RYR1: variants seen among roughly 807,000 people sequenced by gnomAD.
RYR1 encodes the protein central core disease of muscle.
A neutral mutation model predicts 583.5 loss-of-function variants in RYR1; 342 were observed. The ratio of observed to expected loss-of-function variants is 0.59; its 90% CI spans 0.54 to 0.64. The LOEUF (loss-of-function observed/expected upper bound fraction) is 0.64, where lower values mean the gene tolerates loss of function less well. Ranked by LOEUF, RYR1 falls within the 30% of genes least tolerant of loss-of-function variation. RYR1 has a pLI of 0.00. For missense variants in RYR1, 6,032 were observed against 6,917.2 expected, an observed-to-expected ratio of 0.87 and a Z score of 4.54; for synonymous variants, 2,791 against 2,822.5, an observed-to-expected ratio of 0.99 and a Z score of 0.35.
rs753354701 is a variant in RYR1, at chr19:38,512,404, C to T, written c.9393C>T (p.Tyr3131=). The T allele has an allele frequency of 1.3e-5, 21 of 1,613,868 alleles. No homozygotes were observed. The South Asian group carries it at 1.3e-4, about 10-fold the overall frequency. ...AAGGCGTGGGCCAGAACCTCACCTA[C>T]ACCACTGTGGCACTGCTGCCGGTCC... ...QVKGVGQNLT[Y]TTVALLPVLT... is the part of the protein sequence containing the mutation. The change falls in exon 63 of 106, where the codon TAC becomes TAT. Residue 3131 remains tyrosine (Y), a synonymous_variant. Transcript: ENST00000359596. This position sits in a 1 kb window ranked among gnomAD's most constrained non-coding sequence, Gnocchi z 5.1.
chr19:38,560,987 G>T, intron 89 of RYR1, 126 bp from the exon 90 acceptor site: 1 of 834,604 alleles, frequency 1.2e-6, no homozygotes, highest in Non-Finnish European at 1.9e-6. Context: ...GCTGGGTTGA[G>T]CTGTGATTGC....
intron 76 of RYR1, 62 bp from the exon 77 acceptor site, chr19:38,532,428 G>C: frequency 6.4e-7 from 1 of 1,557,978 alleles, no homozygotes; most frequent in Non-Finnish European, 8.9e-7. Context: ...CTGCCCAGAA[G>C]CTCTTATAAG....
rs1967674472 is a variant in RYR1 at position 38,460,512 on chromosome 19, C to T, written c.2498C>T (p.Pro833Leu). The T allele has an allele frequency of 6.2e-7, 1 of 1,614,056 alleles. No homozygotes were observed. Among genetic ancestry groups the T allele is most frequent in the African/African-American group, 1.3e-5 (1 of 74,946 alleles). Residue 833 changes from proline to leucine, a missense_variant, in exon 20 of 106, where the codon CCC (proline) becomes CTC (leucine). Transcript: ENST00000359596. ...EPIKEYRREG[P>L]RGPHLVGPSR... is the part of the protein sequence containing the mutation. Reference sequence around the variant, plus strand: ...ATCAAGGAGTATCGACGGGAGGGGCCCCGGGGGCCTCACCTGGTGGGCCCC... The same window carrying T: ...ATCAAGGAGTATCGACGGGAGGGGCTCCGGGGGCCTCACCTGGTGGGCCCC...
rs138929547 is a variant in RYR1, at chr19:38,566,957, C to T, written c.13484C>T (p.Pro4495Leu). 4.1e-5 allele frequency: 66 copies of T among 1,605,192 alleles called. No individual in the cohort carries two copies. Among genetic ancestry groups the T allele is most frequent in the Non-Finnish European group, 5.3e-5 (62 of 1,176,148 alleles). The change falls in exon 92 of 106, where the codon CCG (proline) becomes CTG (leucine). Residue 4495 changes from proline (P) to leucine (L), a missense_variant. By Grantham distance (98) the Pro-to-Leu change is moderately conservative. This residue lies in a region of RYR1 where 753 missense variants were observed against 759.6 expected (regional missense o/e 0.99). Coordinates refer to ENST00000359596, the MANE Select transcript of RYR1 (RefSeq NM_000540.3). ...EELPPEPEPE[P>L]EPELEPEKAD... ...CTCCCGCCAGAGCCAGAGCCCGAGC[C>T]GGAACCAGAGCTGGAGCCGGAGAAA...
At chr19:38,464,530 C>A in intron 22 of RYR1, 109 bp from the exon 23 acceptor site, 3 of 867,514 alleles carry the variant, frequency 3.5e-6, no homozygotes, top group Non-Finnish European at 5.6e-6. Context: ...GCGCCCCAGG[C>A]ACTGAAGCAG....
At chr19:38,580,823 GCA>G (rs1568605798) in intron 101 of RYR1, among the ~76,000 whole-genome samples, 1 of 152,074 alleles carries the variant, frequency 6.6e-6, no homozygotes, top group African/African-American at 2.4e-5. Flanking sequence ...CTCCATCCTG[GCA>G]GACAGACAGA....
At position 38,451,820 on chromosome 19, in the gene RYR1, G is replaced by C; in HGVS notation, c.1179G>C (p.Gln393His). The C allele has an allele frequency of 6.2e-7, 1 of 1,614,118 alleles. No individual in the cohort carries two copies. The highest frequency in any genetic ancestry group is 8.5e-7 in the Non-Finnish European group (1 of 1,180,018). Residue 393 changes from glutamine (Q) to histidine (H), a missense_variant, in exon 12 of 106, where the codon CAG (glutamine) becomes CAC (histidine). Around this residue, in one of 11 missense-constraint regions of RYR1, gnomAD observed 338 missense variants for 441.6 expected, o/e 0.77. Transcript: ENST00000359596. ...ACGCACTGTCGCTGACCCGCTGCCA[G>C]CAGGAGGAGTCCCAGGCCGCCCGCA... Reference protein sequence around the residue: ...MDDALSLTRCQQEESQAARMI... With the variant: ...MDDALSLTRCHQEESQAARMI...
Position 38,527,765 on chromosome 19 carries a change from T to A in RYR1, c.10805T>A (p.Val3602Glu). 2.5e-6 allele frequency: 4 copies of A among 1,613,516 alleles called. No individual in the cohort carries two copies. Among genetic ancestry groups the A allele is most frequent in the Non-Finnish European group, 3.4e-6 (4 of 1,179,854 alleles). Reference sequence around the variant, plus strand: ...CGCAGAGTCCAGGAAGTGTCAGCCGTGCTCTACTACCTGGACCAGGTGGGT... The same window carrying A: ...CGCAGAGTCCAGGAAGTGTCAGCCGAGCTCTACTACCTGGACCAGGTGGGT... Reference protein sequence around the residue: ...IVRRVQEVSAVLYYLDQTEHP... With the variant: ...IVRRVQEVSAELYYLDQTEHP... Residue 3602 changes from valine (V) to glutamate (E), a missense_variant, in exon 73 of 106, where the codon GTG (valine) becomes GAG (glutamate). Physicochemically the swap from Val to Glu is moderately radical, Grantham distance 121 (BLOSUM62 -2). This residue lies in a region of RYR1 where 1,493 missense variants were observed against 1,715.5 expected (regional missense o/e 0.87). Transcript: ENST00000359596.
Position 38,469,043 on chromosome 19 carries a change from C to G in RYR1, c.3459C>G (p.Asp1153Glu). 6.2e-7 allele frequency: 1 copy of G among 1,614,180 alleles called. No homozygotes were observed. Among genetic ancestry groups the G allele is most frequent in the South Asian group, 1.1e-5 (1 of 91,078 alleles). The change falls in exon 26 of 106, where the codon GAC becomes GAG. Residue 1153 changes from aspartate (D) to glutamate (E), a missense_variant. Transcript: ENST00000359596. Reference protein sequence around the residue: ...QPGDVVGCMIDLTENTIIFTL... With the variant: ...QPGDVVGCMIELTENTIIFTL... ...GCGATGTCGTTGGCTGTATGATCGA[C>G]CTCACAGAGAACACCATTATCTTCA...
At chr19:38,560,372 A>C (rs868193231) in intron 89 of RYR1, among the ~76,000 whole-genome samples, 16 of 150,980 alleles carry the variant, frequency 1.1e-4, no homozygotes, top group Admixed American at 9.3e-4. Context: ...TCTCAGAAAA[A>C]AAAAACAAAA....
In RYR1 at chr19:38,444,579, C is replaced by T. The variant is rs2145340575; in HGVS notation, c.538-5C>T. ...CTCTGACTGCCGCATCCTGGTGGCC[C>T]CCAGCACCTGTCGACCGCCAGTGGG... is the stretch of plus-strand genomic sequence containing the variant. On this transcript the variant is annotated splice_polypyrimidine_tract_variant and splice_region_variant and intron_variant, in intron 6 of 105. Coordinates refer to ENST00000359596, the MANE Select transcript of RYR1 (RefSeq NM_000540.3). The surrounding 1 kb of genome is among the most constrained non-coding windows in gnomAD (Gnocchi z 5.1). 1 of 1,613,116 alleles carries T rather than the reference C, an allele frequency of 6.2e-7. No homozygotes were observed. The highest frequency in any genetic ancestry group is 8.5e-7 in the Non-Finnish European group (1 of 1,179,574).
In RYR1 at chr19:38,494,617, G is replaced by A. The variant is rs146773090; in HGVS notation, c.6540G>A (p.Gln2180=). 3 of 1,613,968 alleles carry A rather than the reference G, an allele frequency of 1.9e-6. No individual in the cohort carries two copies. The highest frequency in any genetic ancestry group is 1.3e-5 in the African/African-American group (1 of 74,926). ...CCCAGGAGGAGAACCTCATGATCCA[G>A]AGCATCGGGTGAGACACCGCCCTTC... The part of the protein sequence containing the change: ...MGPQEENLMI[Q]SIGNIMNNKV... The change falls in exon 39 of 106, where the codon CAG becomes CAA. Residue 2180 remains glutamine, a synonymous_variant. Coordinates refer to ENST00000359596, the MANE Select transcript of RYR1 (RefSeq NM_000540.3).
chr19:38,486,787 A>C (rs1359059507), intron 34 of RYR1, among the ~76,000 whole-genome samples: 1 of 152,012 alleles, frequency 6.6e-6, no homozygotes, highest in African/African-American at 2.4e-5. Flanking sequence ...TCATCCATCC[A>C]TCAATCCATC....
rs562864092 is a variant in RYR1 at position 38,444,519 on chromosome 19, C to G, written c.538-65C>G. On this transcript the variant is annotated intron_variant, in intron 6 of 105. Transcript: ENST00000359596. The surrounding 1 kb of genome is among the most constrained non-coding windows in gnomAD (Gnocchi z 5.1). ...GGTATCCACCCTTGATTTCTGGCCT[C>G]TGACGCTGGGACTCTCGCCCACCCC... 35 of 1,420,064 alleles carry G rather than the reference C, an allele frequency of 2.5e-5. No individual in the cohort carries two copies. Among genetic ancestry groups the G allele is most frequent in the Non-Finnish European group, 3.0e-5 (31 of 1,017,546 alleles). The allele number at this position is 1,420,064 out of a possible 1,614,324, so 88.0% of individuals were successfully genotyped here. A position where few individuals can be genotyped will look rare whatever the true frequency, so the allele number is the denominator to read the frequency against.
chr19:38,505,996 T>A (rs771905317), intron 54 of RYR1, 50 bp downstream of exon 54: 6 of 1,590,678 alleles, frequency 3.8e-6, no homozygotes, highest in South Asian at 2.2e-5. Flanking sequence ...GGGGAGGGTC[T>A]AGAACAAGGG....
intron 58 of RYR1, 128 bp from the exon 59 acceptor site, chr19:38,510,370 C>A: frequency 3.3e-6 from 3 of 905,932 alleles, no homozygotes; most frequent in Non-Finnish European, 5.4e-6. Flanking sequence ...AAAGCCAACA[C>A]AAATGACTTC....
At position 38,567,052 on chromosome 19, in the gene RYR1, C is replaced by T. The variant is rs138124315; in HGVS notation, c.13514+65C>T. The T allele has an allele frequency of 1.2e-3, 1,797 of 1,547,674 alleles. 6 individuals are homozygous for T. In the African/African-American group the frequency reaches 0.013, roughly 11 times the overall value. On this transcript the variant is annotated intron_variant, in intron 92 of 105. Coordinates refer to ENST00000359596, the MANE Select transcript of RYR1 (RefSeq NM_000540.3). ...TGCCTCCCTCCTAGAGTAGGAGCCT[C>T]CAGAGGTCAGGCCCCAAGGCTGTCC... is the stretch of plus-strand genomic sequence containing the variant.
Position 38,506,337 on chromosome 19 carries a change from C to A in RYR1, c.8576C>A (p.Pro2859His). ...CCTCGAGAAGGCTACAACCCTCAGC[C>A]CCCCGACCTTAGTGCTGTTACCCTG... ...YDPREGYNPQ[P>H]PDLSAVTLSR... The change falls in exon 55 of 106, where the codon CCC (proline) becomes CAC (histidine). Residue 2859 changes from proline to histidine, a missense_variant. Coordinates refer to ENST00000359596, the MANE Select transcript of RYR1 (RefSeq NM_000540.3). 6.2e-7 allele frequency: 1 copy of A among 1,613,780 alleles called. No homozygotes were observed. Among genetic ancestry groups the A allele is most frequent in the Non-Finnish European group, 8.5e-7 (1 of 1,179,860 alleles).
intron 18 of RYR1, among the ~76,000 whole-genome samples, chr19:38,458,655 C>T (rs754717007): frequency 6.6e-6 from 1 of 152,126 alleles, no homozygotes; most frequent in Non-Finnish European, 1.5e-5. Context: ...AATGGAGTCT[C>T]ACTCTGTCTC....
Sources: allele counts gnomAD v4.1 joint callset (sites outside exome capture counted in the v4.1 genomes callset), GRCh38; gene constraint gnomAD v4.1.1; regional missense constraint gnomAD v4.1.1; non-coding constraint Gnocchi (gnomAD v3.1); transcripts MANE v1.5; gene names NCBI Gene and HGNC (gene_info 2026-07-23, HGNC 2026-07-21).